PMF1: variants seen among roughly 807,000 people sequenced by gnomAD.
PMF1 encodes the protein polyamine-modulated factor 1.
Under a neutral mutation model 26.7 loss-of-function variants are expected in PMF1, and 21 were observed. The ratio of observed to expected loss-of-function variants is 0.79; its 90% CI spans 0.56 to 1.13. The LOEUF (loss-of-function observed/expected upper bound fraction) is 1.13, where lower values mean the gene tolerates loss of function less well. Among genes scored for constraint, PMF1 ranks in the 50% most tolerant of loss-of-function variants. The probability of loss-of-function intolerance (pLI) is 0.00; values close to 1 mark genes in which losing one functional copy is unlikely to be tolerated. For synonymous variants in PMF1, 105 were observed against 101.0 expected, an observed-to-expected ratio of 1.04 and a Z score of -0.24; for missense variants, 266 against 254.9, an observed-to-expected ratio of 1.04 and a Z score of -0.30.
At chr1:156,225,419 C>T (rs1001266446) in intron 1 of PMF1, 3 of 577,990 alleles carry the variant, frequency 5.2e-6, no homozygotes, top group Non-Finnish European at 9.7e-6. Flanking sequence ...GTACACTATA[C>T]CCAGTATGTA....
intron 1 of PMF1, among the ~76,000 whole-genome samples, chr1:156,219,431 G>A (rs577003513): frequency 5.3e-5 from 8 of 152,184 alleles, no homozygotes; most frequent in Non-Finnish European, 1.0e-4. Context: ...ATTGCTTGAT[G>A]GAGCCCCCTT....
intron 2 of PMF1, 95 bp from the exon 3 acceptor site, chr1:156,233,533 T>C (rs1658835998): frequency 7.7e-7 from 1 of 1,293,444 alleles, no homozygotes. Flanking sequence ...GAACAGAAAT[T>C]AGCCAAAATC....
intron 3 of PMF1, among the ~76,000 whole-genome samples, chr1:156,236,014 G>T (rs902354515): frequency 2.0e-5 from 3 of 152,214 alleles, no homozygotes; most frequent in African/African-American, 7.2e-5. Context: ...GAGGAAAGGA[G>T]GGGAATGTGG....
At chr1:156,213,209 G>A in intron 1 of PMF1, 33 bp downstream of exon 1, 1 of 1,603,244 alleles carries the variant, frequency 6.2e-7, no homozygotes, top group Non-Finnish European at 8.5e-7. Flanking sequence ...GGGAGTGTTT[G>A]TTGGCACCGA....
intron 3 of PMF1, among the ~76,000 whole-genome samples, chr1:156,235,182 T>C (rs1394985281): frequency 6.6e-6 from 1 of 151,732 alleles, no homozygotes; most frequent in Non-Finnish European, 1.5e-5. Context: ...TAGAGTACAG[T>C]GGTGCGATCT....
At position 156,232,313 on chromosome 1, in the gene PMF1, C is replaced by T. The variant is rs1658757902; in HGVS notation, c.162-7C>T. ...CTCCCCACCTTTGCTTCTCTCCTTC[C>T]CGCCAGCTACCAGAGATTCACTGAC... On this transcript the variant is annotated splice_region_variant and splice_polypyrimidine_tract_variant and intron_variant, in intron 1 of 4. Coordinates refer to ENST00000368277, the MANE Select transcript of PMF1 (RefSeq NM_007221.4). 2 of 1,613,594 alleles carry T rather than the reference C, an allele frequency of 1.2e-6. No homozygotes were observed. Among genetic ancestry groups the T allele is most frequent in the Admixed American group, 1.7e-5 (1 of 59,978 alleles).
At chr1:156,233,498 A>G (rs1385110954) in intron 2 of PMF1, 130 bp from the exon 3 acceptor site, 14 of 846,144 alleles carry the variant, frequency 1.7e-5, no homozygotes, top group Admixed American at 2.4e-5. Context: ...AAAAGTTGGA[A>G]TGTCAGGGAA....
chr1:156,216,682 G>A (rs1397099420), intron 1 of PMF1, among the ~76,000 whole-genome samples: 1 of 151,718 alleles, frequency 6.6e-6, no homozygotes, highest in Non-Finnish European at 1.5e-5. Flanking sequence ...CCCTGCCCCC[G>A]TGCGCTCTCC....
At chr1:156,229,422 C>T (rs902151472) in intron 1 of PMF1, among the ~76,000 whole-genome samples, 10 of 151,434 alleles carry the variant, frequency 6.6e-5, no homozygotes, top group Non-Finnish European at 1.0e-4. Context: ...TCACTAGATA[C>T]AGTGTTGAGA....
At chr1:156,238,860 C>T (rs928584095) in intron 4 of PMF1, among the ~76,000 whole-genome samples, 10 of 142,934 alleles carry the variant, frequency 7.0e-5, no homozygotes, top group Middle Eastern at 3.6e-3. Flanking sequence ...GGGCAGCAGG[C>T]GCGAAAGTGG....
At chr1:156,237,499 T>A (rs1469715933) in intron 4 of PMF1, among the ~76,000 whole-genome samples, 1 of 145,308 alleles carries the variant, frequency 6.9e-6, no homozygotes, top group Non-Finnish European at 1.5e-5. Flanking sequence ...CAGGCTGGAG[T>A]GCAGTGGCAC....
At chr1:156,214,872 A>ATT (rs1228169844) in intron 1 of PMF1, among the ~76,000 whole-genome samples, 3 of 149,274 alleles carry the variant, frequency 2.0e-5, no homozygotes, top group African/African-American at 7.4e-5. Flanking sequence ...TATTATTATT[A>ATT]TTATTATTAT....
intron 1 of PMF1, among the ~76,000 whole-genome samples, chr1:156,214,881 A>ATTT (rs1477660614): frequency 2.7e-5 from 4 of 146,884 alleles, no homozygotes; most frequent in African/African-American, 5.1e-5. Context: ...TATTATTATT[A>ATTT]TTATTTTTTT....
intron 1 of PMF1, among the ~76,000 whole-genome samples, chr1:156,219,148 A>T (rs979891532): frequency 6.6e-6 from 1 of 151,522 alleles, no homozygotes; most frequent in African/African-American, 2.4e-5. Context: ...CAAACTCCTG[A>T]CCTCAGGTGA....
intron 3 of PMF1, 143 bp from the exon 4 acceptor site, chr1:156,236,145 A>AG (rs1658997147): frequency 6.5e-6 from 7 of 1,073,878 alleles, no homozygotes; most frequent in Admixed American, 4.9e-5. Flanking sequence ...TTGGGAGGTG[A>AG]GAGGGACCAC....
intron 1 of PMF1, among the ~76,000 whole-genome samples, chr1:156,231,700 A>G (rs1364817858): frequency 6.8e-6 from 1 of 147,786 alleles, no homozygotes; most frequent in African/African-American, 2.7e-5. Flanking sequence ...AGACTGCCTC[A>G]AGAAAAAAAA....
At chr1:156,227,494 AT>A in intron 1 of PMF1, among the ~76,000 whole-genome samples, 1 of 128,984 alleles carries the variant, frequency 7.8e-6, no homozygotes, top group African/African-American at 2.7e-5. Flanking sequence ...AATTTATTTT[AT>A]TTTATTTTAT....
At chr1:156,216,409 A>C (rs754027411) in intron 1 of PMF1, among the ~76,000 whole-genome samples, 31 of 152,008 alleles carry the variant, frequency 2.0e-4, no homozygotes, top group Non-Finnish European at 2.8e-4. Context: ...AAATAAAATA[A>C]AATAAAATCA....
At chr1:156,225,640 C>A in intron 1 of PMF1, 1 of 1,561,548 alleles carries the variant, frequency 6.4e-7, no homozygotes, top group Admixed American at 1.9e-5. Flanking sequence ...TTCAGTTGGG[C>A]GGCGTGCAGG....
Sources: allele counts gnomAD v4.1 joint callset (sites outside exome capture counted in the v4.1 genomes callset), GRCh38; gene constraint gnomAD v4.1.1; transcripts MANE v1.5; gene names NCBI Gene and HGNC (gene_info 2026-07-23, HGNC 2026-07-21).